NRF1: variants seen among roughly 807,000 people sequenced by gnomAD.
NRF1 encodes the protein alpha palindromic-binding protein.
A neutral mutation model predicts 58.5 loss-of-function variants in NRF1; 5 were observed. The ratio of observed to expected loss-of-function variants is 0.09; its 90% confidence interval spans 0.04 to 0.18. The LOEUF (loss-of-function observed/expected upper bound fraction) is 0.18, where lower values mean the gene tolerates loss of function less well. Among genes scored for constraint, NRF1 ranks in the 10% least tolerant of loss-of-function variants. NRF1 has a pLI of 1.00. For synonymous variants in NRF1, 224 were observed against 246.7 expected, an observed-to-expected ratio of 0.91 and a Z score of 0.86; for missense variants, 288 against 657.7, an observed-to-expected ratio of 0.44 and a Z score of 6.15.
At chr7:129,712,311 A>G (rs1275629407) in intron 8 of NRF1, among the ~76,000 whole-genome samples, 1 of 152,230 alleles carries the variant, frequency 6.6e-6, no homozygotes, top group African/African-American at 2.4e-5. Context: ...TTACGTCACC[A>G]TGAGTGTTTC....
intron 1 of NRF1, among the ~76,000 whole-genome samples, chr7:129,624,693 A>T (rs574817162): frequency 3.9e-5 from 6 of 152,012 alleles, no homozygotes; most frequent in Non-Finnish European, 7.4e-5. Flanking sequence ...TATTATTATT[A>T]TTTTTTGGAG....
At position 129,717,315 on chromosome 7, in the gene NRF1, G is replaced by A. The variant is rs760618119; in HGVS notation, c.1162G>A (p.Ala388Thr). The A allele has an allele frequency of 1.9e-6, 3 of 1,614,088 alleles. No homozygotes were observed. The highest frequency in any genetic ancestry group is 2.5e-6 in the Non-Finnish European group (3 of 1,179,984). Residue 388 changes from alanine (A) to threonine (T), a missense_variant, in exon 9 of 11, where the codon GCC becomes ACC. By Grantham distance (58) the Ala-to-Thr change is moderately conservative. This residue lies in a region of NRF1 where 212 missense variants were observed against 559.7 expected (regional missense o/e 0.38). Coordinates refer to ENST00000393232, the MANE Select transcript of NRF1 (RefSeq NM_005011.5). ...CCAGGCGGTGGCATCGTTGGCAGAG[G>A]CCGCAGTGGCAGCTTCTCAGGAGAT... ...ATQAVASLAE[A>T]AVAASQEMQQ...
chr7:129,659,536 T>G (rs958859505), intron 2 of NRF1, among the ~76,000 whole-genome samples: 5 of 152,210 alleles, frequency 3.3e-5, no homozygotes, highest in African/African-American at 1.2e-4. Flanking sequence ...CTGTGAATGT[T>G]TTTACTTAAA....
At chr7:129,691,821 C>T (rs1802576098) in intron 5 of NRF1, among the ~76,000 whole-genome samples, 1 of 152,160 alleles carries the variant, frequency 6.6e-6, no homozygotes, top group African/African-American at 2.4e-5. Flanking sequence ...TCATCCTTCA[C>T]TAGGTGCTCC....
intron 2 of NRF1, among the ~76,000 whole-genome samples, chr7:129,662,764 A>T (rs10954249): frequency 0.52 from 78,780 of 151,690 alleles, 20,942 homozygotes; most frequent in Non-Finnish European, 0.59. Context: ...TTATTTATTT[A>T]TTTTAGTATT....
chr7:129,748,322 T>C (rs993527894), intron 10 of NRF1, among the ~76,000 whole-genome samples: 1 of 144,422 alleles, frequency 6.9e-6, no homozygotes, highest in Non-Finnish European at 1.5e-5. Context: ...AATGCAAGCA[T>C]GCAGATTTAT....
At chr7:129,630,515 A>C (rs1256877483) in intron 1 of NRF1, among the ~76,000 whole-genome samples, 1 of 152,158 alleles carries the variant, frequency 6.6e-6, no homozygotes, top group Non-Finnish European at 1.5e-5. Context: ...TTCAAAAGGG[A>C]TTATAGAAGG....
intron 1 of NRF1, among the ~76,000 whole-genome samples, chr7:129,625,661 C>T (rs916513597): frequency 4.1e-5 from 6 of 144,872 alleles, no homozygotes; most frequent in Non-Finnish European, 7.5e-5. Context: ...CCACCATGCC[C>T]GGCTAATGTT....
At position 129,738,262 on chromosome 7, in the gene NRF1, A is replaced by G. The variant is rs1249785241; in HGVS notation, c.1348+10897A>G. On this transcript the variant is annotated intron_variant, in intron 10 of 10. Coordinates refer to ENST00000393232, the MANE Select transcript of NRF1 (RefSeq NM_005011.5). ...ACCTGAAAAGATTCCTTCTTGTAAT[A>G]TAAGGAGAGCTGTGAGCTGTGGATC... Among the ~76,000 whole-genome samples, 10 of 152,238 alleles carry G rather than the reference A, an allele frequency of 6.6e-5. No homozygotes were observed. The East Asian group carries it at 1.9e-3, about 29-fold the overall frequency.
At chr7:129,719,055 A>T (rs1171541549) in intron 9 of NRF1, among the ~76,000 whole-genome samples, 1 of 152,106 alleles carries the variant, frequency 6.6e-6, no homozygotes, top group Non-Finnish European at 1.5e-5. Flanking sequence ...AGATTAGAAG[A>T]TCAGTTAGGA....
At chr7:129,619,565 C>G (rs1375809159) in intron 1 of NRF1, among the ~76,000 whole-genome samples, 1 of 143,110 alleles carries the variant, frequency 7.0e-6, no homozygotes, top group African/African-American at 2.6e-5. Context: ...ATTTCTAGAG[C>G]ATTACTAAAT....
chr7:129,701,071 A>G (rs1053234049), intron 5 of NRF1, among the ~76,000 whole-genome samples: 1 of 152,250 alleles, frequency 6.6e-6, no homozygotes, highest in Non-Finnish European at 1.5e-5. Flanking sequence ...CTTACATAGG[A>G]TACAACTTGA....
chr7:129,743,599 G>GAACTT (rs1191274603), intron 10 of NRF1, among the ~76,000 whole-genome samples: 1 of 152,058 alleles, frequency 6.6e-6, no homozygotes, highest in African/African-American at 2.4e-5. Context: ...TTTTTCTCAA[G>GAACTT]AACTTAAATC....
chr7:129,704,309 T>C (rs890500065), intron 5 of NRF1, among the ~76,000 whole-genome samples: 1 of 152,146 alleles, frequency 6.6e-6, no homozygotes, highest in Non-Finnish European at 1.5e-5. Flanking sequence ...TTCTGCCGCC[T>C]TCTGCTTTTT....
chr7:129,640,630 A>C (rs1448385575), intron 1 of NRF1, among the ~76,000 whole-genome samples: 1 of 152,172 alleles, frequency 6.6e-6, no homozygotes, highest in East Asian at 1.9e-4. Flanking sequence ...ATTAGCAGTT[A>C]AGGAGCCCAA....
At chr7:129,649,951 C>T (rs552074763) in intron 1 of NRF1, among the ~76,000 whole-genome samples, 2 of 152,066 alleles carry the variant, frequency 1.3e-5, no homozygotes, top group Admixed American at 1.3e-4. Context: ...GGGGGTCTCC[C>T]TATGTTGCCC....
At chr7:129,633,805 T>C (rs980583349) in intron 1 of NRF1, 2 of 151,732 alleles carry the variant, frequency 1.3e-5, no homozygotes, top group African/African-American at 2.4e-5. Flanking sequence ...TGTGTGTGTA[T>C]GTGTATATAT....
chr7:129,681,392 A>G (rs542761329), intron 4 of NRF1, among the ~76,000 whole-genome samples: 4 of 152,344 alleles, frequency 2.6e-5, no homozygotes, highest in South Asian at 2.1e-4. Context: ...TGTGTGAACT[A>G]TGTATCAGTA....
chr7:129,669,475 C>T (rs950416805), intron 2 of NRF1, among the ~76,000 whole-genome samples: 6 of 152,044 alleles, frequency 3.9e-5, no homozygotes, highest in African/African-American at 1.2e-4. Flanking sequence ...ATGGATAGAA[C>T]GATGGATAGA....
Sources: allele counts gnomAD v4.1 joint callset (sites outside exome capture counted in the v4.1 genomes callset), GRCh38; gene constraint gnomAD v4.1.1; regional missense constraint gnomAD v4.1.1; transcripts MANE v1.5; gene names NCBI Gene and HGNC (gene_info 2026-07-23, HGNC 2026-07-21).